ZNF420: variants seen among roughly 807,000 people sequenced by gnomAD.
ZNF420 encodes the protein zinc finger protein 420, also known as ATM and p53-associated KZNF protein.
In ZNF420, 31 loss-of-function variants were observed where a neutral mutation model predicts 44.7. The ratio of observed to expected loss-of-function variants is 0.69; its 90% CI spans 0.52 to 0.94. ZNF420 has a LOEUF of 0.94. Among genes scored for constraint, ZNF420 ranks in the 40% least tolerant of loss-of-function variants. The probability of loss-of-function intolerance (pLI) is 0.00; values close to 1 mark genes in which losing one functional copy is unlikely to be tolerated. For missense variants in ZNF420, 681 were observed against 827.9 expected (o/e 0.82, Z 2.18); for synonymous variants, 245 against 267.4 (o/e 0.92, Z 0.82).
At chr19:37,018,683 TCAGCCTCCTGAG>T (rs763139478) in intron 1 of ZNF420, among the ~76,000 whole-genome samples, 2 of 152,208 alleles carry the variant, frequency 1.3e-5, no homozygotes, top group African/African-American at 2.4e-5. Flanking sequence ...TTCTCCTGCC[TCAGCCTCCTGAG>T]TAGCTGGGAT....
At chr19:37,053,454 A>T (rs751148011) in intron 1 of ZNF420, among the ~76,000 whole-genome samples, 1 of 152,164 alleles carries the variant, frequency 6.6e-6, no homozygotes, top group East Asian at 1.9e-4. Flanking sequence ...TAGAGTTTCC[A>T]GTTTTTCTGC....
At chr19:37,115,794 A>G (rs893538799) in intron 4 of ZNF420, among the ~76,000 whole-genome samples, 3 of 152,042 alleles carry the variant, frequency 2.0e-5, no homozygotes, top group African/African-American at 4.8e-5. Flanking sequence ...CCACGAGGCC[A>G]TATCTCAGGC....
At chr19:37,052,469 C>G (rs1967656865) in intron 1 of ZNF420, among the ~76,000 whole-genome samples, 3 of 152,242 alleles carry the variant, frequency 2.0e-5, no homozygotes, top group Admixed American at 2.0e-4. Flanking sequence ...ATGGTCTTTA[C>G]AATTTGGCAT....
intron 1 of ZNF420, among the ~76,000 whole-genome samples, chr19:37,041,310 CAAA>C (rs369724759): frequency 3.0e-5 from 4 of 132,676 alleles, no homozygotes; most frequent in Non-Finnish European, 3.2e-5. Context: ...AACACTATCT[CAAA>C]AAAAAAAAAA....
chr19:37,053,818 TGAG>T (rs1310133884), intron 1 of ZNF420, among the ~76,000 whole-genome samples: 2 of 152,076 alleles, frequency 1.3e-5, no homozygotes, highest in African/African-American at 2.4e-5. Context: ...GGGACCCACT[TGAG>T]GAGGCAATCT....
chr19:37,107,324 CT>C (rs1568462745), intron 4 of ZNF420: 1 of 152,240 alleles, frequency 6.6e-6, no homozygotes, highest in Non-Finnish European at 1.5e-5. Context: ...GTATTGTGTC[CT>C]GGGTACTTGA....
At chr19:37,118,850 A>G (rs1446823724) in intron 4 of ZNF420, among the ~76,000 whole-genome samples, 1 of 152,048 alleles carries the variant, frequency 6.6e-6, no homozygotes, top group African/African-American at 2.4e-5. Flanking sequence ...CTTTAAACCA[A>G]CAAAGATCAA....
At chr19:37,024,997 G>C (rs1967126304) in intron 1 of ZNF420, 1 of 213,030 alleles carries the variant, frequency 4.7e-6, no homozygotes, top group Non-Finnish European at 1.0e-5. Flanking sequence ...TGAATACTCT[G>C]ATGTGCTTTA....
intron 4 of ZNF420, among the ~76,000 whole-genome samples, chr19:37,101,675 G>C (rs1969784464): frequency 6.6e-6 from 1 of 152,224 alleles, no homozygotes; most frequent in East Asian, 1.9e-4. Flanking sequence ...TGCTAGCCTT[G>C]CAAGGGCTCC....
At chr19:37,009,455 G>A (rs118119839) in intron 1 of ZNF420, among the ~76,000 whole-genome samples, 1 of 152,092 alleles carries the variant, frequency 6.6e-6, no homozygotes, top group Non-Finnish European at 1.5e-5. Flanking sequence ...ACCAGTGTTC[G>A]TCTCGCCATC....
At chr19:37,074,815 T>C (rs1024595889), upstream of ZNF420, among the ~76,000 whole-genome samples, 1 of 152,156 alleles carries the variant, frequency 6.6e-6, no homozygotes, top group African/African-American at 2.4e-5. Context: ...CAGACAGAGA[T>C]TAAGCAAATG....
chr19:37,111,562 T>C (rs1055643639), intron 4 of ZNF420: 8 of 152,202 alleles, frequency 5.3e-5, no homozygotes, highest in African/African-American at 1.9e-4. Flanking sequence ...CTTGCAGAAA[T>C]GTGTAACAGT....
chr19:37,106,225 AGGGC>A (rs1970075941), intron 4 of ZNF420, among the ~76,000 whole-genome samples: 1 of 152,202 alleles, frequency 6.6e-6, no homozygotes. Flanking sequence ...TTTAGCATGA[AGGGC>A]TGTTGAATTT....
At chr19:37,062,983 TG>T (rs1419491714) in intron 1 of ZNF420, among the ~76,000 whole-genome samples, 10 of 152,220 alleles carry the variant, frequency 6.6e-5, no homozygotes, top group African/African-American at 2.4e-4. Context: ...CAAGCATGAC[TG>T]ACGAAATCCT....
chr19:37,084,475 T>C (rs1968647058), intron 2 of ZNF420, among the ~76,000 whole-genome samples: 1 of 152,208 alleles, frequency 6.6e-6, no homozygotes, highest in Non-Finnish European at 1.5e-5. Context: ...TCCTAGAAGC[T>C]ATTGAGCTGT....
In ZNF420 at chr19:37,128,477, A is replaced by G; in HGVS notation, c.1486A>G (p.Ile496Val). 6.2e-7 allele frequency: 1 copy of G among 1,614,164 alleles called. No individual in the cohort carries two copies. The highest frequency in any genetic ancestry group is 8.5e-7 in the Non-Finnish European group (1 of 1,179,994). ...RGSQLTQHQR[I>V]HTGEKPYECK... is the part of the protein sequence containing the mutation. ...TTCCCAGCTTACTCAACATCAGAGA[A>G]TCCATACTGGTGAGAAACCTTATGA... Residue 496 changes from isoleucine (I) to valine (V), a missense_variant, in exon 5 of 5, where the codon ATC becomes GTC. Around this residue, in one of 3 missense-constraint regions of ZNF420, gnomAD observed 280 missense variants for 338.6 expected, o/e 0.83. Coordinates refer to ENST00000337995, the MANE Select transcript of ZNF420 (RefSeq NM_144689.5).
intron 1 of ZNF420, among the ~76,000 whole-genome samples, chr19:37,050,987 T>A (rs1318451815): frequency 1.3e-5 from 2 of 152,228 alleles, no homozygotes; most frequent in African/African-American, 4.8e-5. Context: ...ATCATATGGT[T>A]TTTGTCATTG....
intron 2 of ZNF420, among the ~76,000 whole-genome samples, chr19:37,086,955 T>C (rs993542027): frequency 2.0e-5 from 3 of 152,156 alleles, no homozygotes; most frequent in African/African-American, 7.2e-5. Context: ...TAGTTTAAGC[T>C]CTGCCATAGA....
intron 1 of ZNF420, among the ~76,000 whole-genome samples, chr19:37,054,831 G>C (rs1967711417): frequency 6.6e-6 from 1 of 152,216 alleles, no homozygotes; most frequent in African/African-American, 2.4e-5. Context: ...GACTGACTTA[G>C]AGGAGCTCAG....
Sources: gnomAD v4.1 joint callset for allele counts (sites outside exome capture counted in the v4.1 genomes callset) on GRCh38, gnomAD v4.1.1 for gene constraint, gnomAD v4.1.1 regional missense constraint, MANE v1.5 for transcripts, NCBI Gene and HGNC (gene_info 2026-07-23, HGNC 2026-07-21) for gene names.